The following HCN1 variants were observed in gnomAD, a reference collection of about 807,000 sequenced individuals.
HCN1 encodes the protein potassium/sodium hyperpolarization-activated cyclic nucleotide-gated channel 1.
HCN1 carries 13 observed loss-of-function variants against 78.9 expected under a neutral mutation model. The ratio of observed to expected loss-of-function variants is 0.16; its 90% CI spans 0.11 to 0.26. HCN1 has a LOEUF of 0.26. Ranked by LOEUF, HCN1 falls within the 10% of genes least tolerant of loss-of-function variation. HCN1 has a pLI of 1.00. For synonymous variants in HCN1, 552 were observed against 455.5 expected, an observed-to-expected ratio of 1.21 and a Z score of -2.70; for missense variants, 810 against 1,154.3, an observed-to-expected ratio of 0.70 and a Z score of 4.32.
chr5:45,506,128 A>T (rs1196378244), intron 2 of HCN1, among the ~76,000 whole-genome samples: 1 of 152,190 alleles, frequency 6.6e-6, no homozygotes, highest in Non-Finnish European at 1.5e-5. Context: ...AATTAAAAGA[A>T]CTTTAGTTAC....
chr5:45,661,198 A>G (rs1263888386), intron 1 of HCN1, among the ~76,000 whole-genome samples: 9 of 134,460 alleles, frequency 6.7e-5, no homozygotes, highest in Non-Finnish European at 1.3e-4. Flanking sequence ...CTGCTCCTGA[A>G]TGACTACTGG....
chr5:45,541,212 C>A (rs966518313), intron 2 of HCN1, among the ~76,000 whole-genome samples: 2 of 152,068 alleles, frequency 1.3e-5, no homozygotes, highest in African/African-American at 4.8e-5. Flanking sequence ...GGCAGTGTCA[C>A]GTTGTATTTA....
At chr5:45,402,877 C>CTT in intron 3 of HCN1, among the ~76,000 whole-genome samples, 1 of 138,722 alleles carries the variant, frequency 7.2e-6, no homozygotes, top group Non-Finnish European at 1.6e-5. Context: ...TACTTCCTTC[C>CTT]CTCCCTCCCT....
At chr5:45,516,015 T>C (rs1323216782) in intron 2 of HCN1, among the ~76,000 whole-genome samples, 3 of 152,136 alleles carry the variant, frequency 2.0e-5, no homozygotes, top group East Asian at 1.9e-4. Context: ...TGATTCTAAA[T>C]TGAGAAACCT....
At chr5:45,412,731 G>T (rs191826082) in intron 3 of HCN1, among the ~76,000 whole-genome samples, 8 of 145,512 alleles carry the variant, frequency 5.5e-5, no homozygotes, top group African/African-American at 1.8e-4. Flanking sequence ...GTTTGCCCCA[G>T]TAGGGTTCAG....
At chr5:45,581,372 T>C (rs940296643) in intron 2 of HCN1, among the ~76,000 whole-genome samples, 2 of 152,144 alleles carry the variant, frequency 1.3e-5, no homozygotes, top group Admixed American at 1.3e-4. Context: ...GGGTTGTTTG[T>C]TTTTTTCTTG....
intron 3 of HCN1, among the ~76,000 whole-genome samples, chr5:45,445,248 C>T (rs564290073): frequency 4.6e-5 from 7 of 152,280 alleles, no homozygotes; most frequent in South Asian, 2.1e-4. Flanking sequence ...GCACCTGGCT[C>T]GGAGGGTCCT....
At chr5:45,507,113 A>G (rs978546083) in intron 2 of HCN1, among the ~76,000 whole-genome samples, 1 of 152,186 alleles carries the variant, frequency 6.6e-6, no homozygotes, top group African/African-American at 2.4e-5. Flanking sequence ...TATGTCACAA[A>G]GCTTGTTTTT....
intron 3 of HCN1, among the ~76,000 whole-genome samples, chr5:45,407,486 A>G (rs1386846638): frequency 6.6e-6 from 1 of 152,042 alleles, no homozygotes; most frequent in African/African-American, 2.4e-5. Context: ...AAACAACCTC[A>G]GGTATGTTCT....
chr5:45,645,137 T>C (rs369137567), intron 2 of HCN1, 48 bp downstream of exon 2: 228 of 1,394,866 alleles, frequency 1.6e-4, no homozygotes, highest in Non-Finnish European at 2.1e-4. Flanking sequence ...ACAGCCATAA[T>C]TAACAATTTC....
chr5:45,546,457 C>T (rs1743230600), intron 2 of HCN1, among the ~76,000 whole-genome samples: 1 of 151,828 alleles, frequency 6.6e-6, no homozygotes, highest in African/African-American at 2.4e-5. Flanking sequence ...TTTAGAAATT[C>T]TACAATGACA....
intron 2 of HCN1, among the ~76,000 whole-genome samples, chr5:45,528,969 T>G (rs1050305636): frequency 6.6e-6 from 1 of 151,952 alleles, no homozygotes. Flanking sequence ...TAGAGACAAA[T>G]GTGGCAAGAA....
chr5:45,307,855 C>T lies in HCN1; in HGVS notation c.1378-4016G>A, dbSNP rs74543873. Reference sequence around the variant, plus strand: ...ATAACTGTAGTTATTACAAATGTAGCATACTAATGTAAGGTATTAAAAACG... The same window carrying T: ...ATAACTGTAGTTATTACAAATGTAGTATACTAATGTAAGGTATTAAAAACG... On this transcript the variant is annotated intron_variant, in intron 5 of 7. Coordinates refer to ENST00000303230, the MANE Select transcript of HCN1 (RefSeq NM_021072.4). 1.7e-3 allele frequency among the ~76,000 whole-genome samples: 254 copies of T among 152,170 alleles called. 1 individual carries two copies. Among genetic ancestry groups the T allele is most frequent in the East Asian group, 0.014 (73 of 5,152 alleles).
At chr5:45,567,108 T>G in intron 2 of HCN1, among the ~76,000 whole-genome samples, 1 of 152,144 alleles carries the variant, frequency 6.6e-6, no homozygotes, top group East Asian at 1.9e-4. Context: ...AAATTATGGA[T>G]AATATACAAA....
chr5:45,468,303 A>G (rs1417363982), intron 2 of HCN1, among the ~76,000 whole-genome samples: 1 of 152,168 alleles, frequency 6.6e-6, no homozygotes, highest in Non-Finnish European at 1.5e-5. Context: ...ATATGCTCAT[A>G]TAAGTAGTTA....
At chr5:45,497,145 G>A (rs1198933447) in intron 2 of HCN1, among the ~76,000 whole-genome samples, 2 of 152,194 alleles carry the variant, frequency 1.3e-5, no homozygotes, top group African/African-American at 4.8e-5. Context: ...TTTGGAATAA[G>A]TGTGGTGTGG....
chr5:45,388,540 T>A (rs1408566468), intron 4 of HCN1, among the ~76,000 whole-genome samples: 3 of 152,038 alleles, frequency 2.0e-5, no homozygotes, highest in Non-Finnish European at 4.4e-5. Flanking sequence ...AAACACAAAT[T>A]CTCAAGCCCC....
intron 3 of HCN1, among the ~76,000 whole-genome samples, chr5:45,406,647 C>A (rs1739930491): frequency 6.6e-6 from 1 of 152,066 alleles, no homozygotes; most frequent in Non-Finnish European, 1.5e-5. Flanking sequence ...GATAATTATA[C>A]TTTTATATGA....
At chr5:45,526,956 T>A (rs28483020) in intron 2 of HCN1, among the ~76,000 whole-genome samples, 26,776 of 133,316 alleles carry the variant, frequency 0.2, 2,761 homozygotes, top group East Asian at 0.27. Flanking sequence ...CCAATTAAAA[T>A]GTCTATGAAC....
Sources: allele counts gnomAD v4.1 joint callset (sites outside exome capture counted in the v4.1 genomes callset), GRCh38; gene constraint gnomAD v4.1.1; transcripts MANE v1.5; gene names NCBI Gene and HGNC (gene_info 2026-07-23, HGNC 2026-07-21).